MIA2: variants seen among roughly 807,000 people sequenced by gnomAD.
MIA2 encodes melanoma inhibitory activity protein 2.
Under a neutral mutation model 167.8 loss-of-function variants are expected in MIA2, and 127 were observed. The ratio of observed to expected loss-of-function variants is 0.76; its 90% CI spans 0.66 to 0.88. MIA2 has a LOEUF of 0.88. MIA2 is among the 40% of genes least tolerant of loss of function. The probability of loss-of-function intolerance (pLI) is 0.00; values close to 1 mark genes in which losing one functional copy is unlikely to be tolerated. For synonymous variants in MIA2, 552 were observed against 541.9 expected, an observed-to-expected ratio of 1.02 and a Z score of -0.26; for missense variants, 1,690 against 1,624.7, an observed-to-expected ratio of 1.04 and a Z score of -0.69.
At chr14:39,383,448 C>G (rs1356033105) in intron 23 of MIA2, among the ~76,000 whole-genome samples, 1 of 152,214 alleles carries the variant, frequency 6.6e-6, no homozygotes, top group Admixed American at 6.5e-5. Context: ...CCCCATCTCT[C>G]TCCCTCTCCT....
intron 6 of MIA2, among the ~76,000 whole-genome samples, chr14:39,254,135 G>C (rs554664148): frequency 3.9e-5 from 6 of 152,242 alleles, no homozygotes; most frequent in South Asian, 4.1e-4. Flanking sequence ...AAGGAGCCTG[G>C]GAGAATGTCC....
intron 15 of MIA2, among the ~76,000 whole-genome samples, 170 bp downstream of exon 15, chr14:39,302,419 G>A (rs190253162): frequency 6.6e-6 from 1 of 152,274 alleles, no homozygotes; most frequent in Non-Finnish European, 1.5e-5. Flanking sequence ...AGCTTCAGCT[G>A]GAGCACTGCC....
intron 9 of MIA2, among the ~76,000 whole-genome samples, chr14:39,288,756 G>A (rs12896838): frequency 0.27 from 40,817 of 151,228 alleles, 5,696 homozygotes; most frequent in East Asian, 0.5. Flanking sequence ...CCACTGTGCC[G>A]GCCAATTTGC....
At chr14:39,348,298 A>G (rs998709754) in intron 27 of MIA2, among the ~76,000 whole-genome samples, 4 of 152,218 alleles carry the variant, frequency 2.6e-5, no homozygotes, top group Non-Finnish European at 5.9e-5. Context: ...TTTGCAGACT[A>G]GGAGTTTGAG....
chr14:39,247,938 C>T lies in MIA2; in HGVS notation c.1364C>T (p.Pro455Leu). 2 of 1,597,982 alleles carry T rather than the reference C, an allele frequency of 1.3e-6. No individual in the cohort carries two copies. Among genetic ancestry groups the T allele is most frequent in the African/African-American group, 1.4e-5 (1 of 73,834 alleles). Residue 455 changes from proline (P) to leucine (L), a missense_variant, in exon 4 of 29, where the codon CCA becomes CTA. Pro to Leu is a moderately conservative substitution (Grantham distance 98). Coordinates refer to ENST00000640607, the MANE Select transcript of MIA2 (RefSeq NM_001329214.4). Reference sequence around the variant, plus strand: ...AAAACAGACGAATCTGATACTATACCATATTTGAAAAAGTTCTTGTATAAT... The same window carrying T: ...AAAACAGACGAATCTGATACTATACTATATTTGAAAAAGTTCTTGTATAAT... ...SEKTDESDTI[P>L]YLKKFLYNFD...
At chr14:39,346,845 A>G (rs895082517) in intron 26 of MIA2, 18 of 271,488 alleles carry the variant, frequency 6.6e-5, no homozygotes, top group East Asian at 5.5e-4. Context: ...GGCTCAAGCA[A>G]TCCACCTGCC....
At chr14:39,342,257 C>T (rs1213186496) in intron 25 of MIA2, among the ~76,000 whole-genome samples, 2 of 150,074 alleles carry the variant, frequency 1.3e-5, no homozygotes, top group African/African-American at 2.4e-5. Context: ...TGAGAACATG[C>T]AGTGTTTGGT....
At chr14:39,283,339 C>G (rs1196725042) in intron 9 of MIA2, among the ~76,000 whole-genome samples, 5 of 152,190 alleles carry the variant, frequency 3.3e-5, no homozygotes, top group African/African-American at 7.2e-5. Flanking sequence ...CTGTACCCAT[C>G]TACATCCCTG....
chr14:39,247,928 G>C lies in MIA2; in HGVS notation c.1354G>C (p.Asp452His). 6.3e-7 allele frequency: 1 copy of C among 1,597,908 alleles called. No homozygotes were observed. Among genetic ancestry groups the C allele is most frequent in the Non-Finnish European group, 8.5e-7 (1 of 1,176,360 alleles). The change falls in exon 4 of 29, where the codon GAT becomes CAT. Residue 452 changes from aspartate (D) to histidine (H), a missense_variant. Physicochemically the swap from Asp to His is moderately conservative, Grantham distance 81. Transcript: ENST00000640607. ...AGTCTCAGAAAAAACAGACGAATCTGATACTATACCATATTTGAAAAAGTT... is the reference window on the plus strand; with the variant it reads ...AGTCTCAGAAAAAACAGACGAATCTCATACTATACCATATTTGAAAAAGTT... ...KPVSEKTDES[D>H]TIPYLKKFLY...
rs765587598 is a variant in MIA2, at chr14:39,341,551, A to G, written c.3656-4353A>G. 2.6e-5 allele frequency among the ~76,000 whole-genome samples: 4 copies of G among 152,302 alleles called. No individual in the cohort carries two copies. In the East Asian group the frequency reaches 7.7e-4, roughly 29 times the overall value. ...GAAGGAAGGCAGAGCAAGTGAGTAC[A>G]GATGTAGCTGTTGGGTGGAGGGTAA... On this transcript the variant is annotated intron_variant, in intron 25 of 28. Coordinates refer to ENST00000640607, the MANE Select transcript of MIA2 (RefSeq NM_001329214.4).
intron 18 of MIA2, among the ~76,000 whole-genome samples, chr14:39,309,856 G>GTA (rs1224184762): frequency 1.3e-5 from 2 of 152,008 alleles, no homozygotes; most frequent in African/African-American, 4.8e-5. Context: ...GTGTGTGTGT[G>GTA]TACATGCTGT....
chr14:39,307,673 G>T (rs1407337333), intron 17 of MIA2, among the ~76,000 whole-genome samples: 1 of 151,924 alleles, frequency 6.6e-6, no homozygotes. Flanking sequence ...GTGCTGAGAT[G>T]TACAGGCGTG....
intron 23 of MIA2, among the ~76,000 whole-genome samples, chr14:39,373,656 A>C (rs553936557): frequency 6.6e-6 from 1 of 152,056 alleles, no homozygotes; most frequent in Non-Finnish European, 1.5e-5. Flanking sequence ...CCTTGTCTCT[A>C]TTAAAAATAC....
intron 23 of MIA2, among the ~76,000 whole-genome samples, chr14:39,361,587 T>C (rs4902546): frequency 0.65 from 98,841 of 151,792 alleles, 33,499 homozygotes; most frequent in African/African-American, 0.85. Flanking sequence ...TACAGATGTG[T>C]GCCACCACGC....
chr14:39,316,824 G>C (rs552929117), intron 21 of MIA2, among the ~76,000 whole-genome samples: 1 of 152,178 alleles, frequency 6.6e-6, no homozygotes, highest in East Asian at 1.9e-4. Flanking sequence ...CACAGTCCCA[G>C]GGTAAGACGG....
chr14:39,313,428 C>G lies in MIA2; in HGVS notation c.3106C>G (p.Leu1036Val). The G allele has an allele frequency of 6.3e-7, 1 of 1,593,812 alleles. No homozygotes were observed. The highest frequency in any genetic ancestry group is 2.3e-5 in the East Asian group (1 of 44,312). Residue 1036 changes from leucine (L) to valine (V), a missense_variant, in exon 19 of 29, where the codon CTG (leucine) becomes GTG (valine). By Grantham distance (32) the Leu-to-Val change is conservative. Coordinates refer to ENST00000640607, the MANE Select transcript of MIA2 (RefSeq NM_001329214.4). ...AAAGATCAGCCATGCCACTGAAGAG[C>G]TGGAGACCTATAGGTATTAAATACA... is the stretch of plus-strand genomic sequence containing the variant. ...DEKISHATEELETYRKRAKDL... is the reference protein window; with the variant it reads ...DEKISHATEEVETYRKRAKDL...
chr14:39,246,895 TA>T lies in MIA2; in HGVS notation c.337-15del. 1 of 1,369,348 alleles carries T rather than the reference TA, an allele frequency of 7.3e-7. No homozygotes were observed. 84.8% of individuals were successfully genotyped at this position (1,369,348 alleles called of 1,614,324 possible). ...AGTACATTCATGTTAATCATATATA[TA>T]TTTTTTCCTTTTAGGAATCTGACTT... On this transcript the variant is annotated splice_polypyrimidine_tract_variant and intron_variant, in intron 3 of 28. Coordinates refer to ENST00000640607, the MANE Select transcript of MIA2 (RefSeq NM_001329214.4).
chr14:39,315,120 TA>T (rs558848153), intron 20 of MIA2: 1,886 of 105,764 alleles, frequency 0.018, 54 homozygotes, highest in African/African-American at 0.074. Context: ...CTGTCTCTAC[TA>T]AAAAAAAAAA....
chr14:39,274,315 T>C (rs993677037), intron 6 of MIA2, among the ~76,000 whole-genome samples: 3 of 152,176 alleles, frequency 2.0e-5, no homozygotes, highest in African/African-American at 4.8e-5. Flanking sequence ...TAGGGTGTTA[T>C]GTTGTAGATA....
Sources: gnomAD v4.1 joint callset for allele counts (sites outside exome capture counted in the v4.1 genomes callset) on GRCh38, gnomAD v4.1.1 for gene constraint, MANE v1.5 for transcripts, NCBI Gene and HGNC (gene_info 2026-07-23, HGNC 2026-07-21) for gene names.